Variants in ZRANB1 observed in about 807,000 individuals in gnomAD.
ZRANB1 encodes ubiquitin thioesterase ZRANB1.
ZRANB1 carries 16 observed loss-of-function variants against 80.5 expected under a neutral mutation model. That is an observed-to-expected ratio of 0.20 (90% confidence interval 0.13 to 0.30). ZRANB1 has a LOEUF of 0.30. Ranked by LOEUF, ZRANB1 falls within the 10% of genes least tolerant of loss-of-function variation. The probability of loss-of-function intolerance (pLI) is 1.00; values close to 1 mark genes in which losing one functional copy is unlikely to be tolerated. For missense variants in ZRANB1, 576 were observed against 862.6 expected, an observed-to-expected ratio of 0.67 and a Z score of 4.16; for synonymous variants, 291 against 293.1, an observed-to-expected ratio of 0.99 and a Z score of 0.07.
At chr10:124,924,089 A>G in the ZRANB1 span, among the ~76,000 whole-genome samples, 1 of 149,886 alleles carries the variant, frequency 6.7e-6, no homozygotes, top group Non-Finnish European at 1.5e-5. Context: ...TTTTTTTTTG[A>G]GATGGGGTCT....
chr10:124,945,849 C>CT (rs1280805672), intron 1 of ZRANB1: 2 of 152,184 alleles, frequency 1.3e-5, no homozygotes, highest in African/African-American at 4.8e-5. Flanking sequence ...TGCAGTGCTG[C>CT]AATCATGGCT....
intron 2 of ZRANB1, among the ~76,000 whole-genome samples, chr10:124,970,157 A>G (rs1387316847): frequency 2.0e-5 from 3 of 152,166 alleles, no homozygotes; most frequent in Non-Finnish European, 4.4e-5. Flanking sequence ...GTGTTGACTA[A>G]TGGTTGGGCT....
intron 1 of ZRANB1, among the ~76,000 whole-genome samples, chr10:124,964,564 T>C (rs1334970233): frequency 6.6e-6 from 1 of 152,208 alleles, no homozygotes; most frequent in Admixed American, 6.5e-5. Flanking sequence ...TGAACACATA[T>C]AGTACAAAAC....
chr10:124,956,909 G>T (rs779679394), intron 1 of ZRANB1, among the ~76,000 whole-genome samples: 1 of 152,140 alleles, frequency 6.6e-6, no homozygotes, highest in Non-Finnish European at 1.5e-5. Context: ...TTTCTCGTGT[G>T]TATTCTCTGA....
At chr10:124,936,437 A>G in the ZRANB1 span, among the ~76,000 whole-genome samples, 1 of 152,206 alleles carries the variant, frequency 6.6e-6, no homozygotes, top group Admixed American at 6.5e-5. Flanking sequence ...GTGCAGAGGT[A>G]TTAATAGTGT....
intron 1 of ZRANB1, among the ~76,000 whole-genome samples, chr10:124,944,332 T>C (rs1420586233): frequency 6.6e-6 from 1 of 152,206 alleles, no homozygotes; most frequent in African/African-American, 2.4e-5. Flanking sequence ...TAACTATACC[T>C]TAGCTGTATG....
rs1178484957 is a variant in ZRANB1, at chr10:124,987,563, T to G, written c.*2571T>G. 1 of 152,144 alleles carries G rather than the reference T, an allele frequency of 6.6e-6. No individual in the cohort carries two copies. The highest frequency in any genetic ancestry group is 1.5e-5 in the Non-Finnish European group (1 of 68,022). 9.4% of individuals were successfully genotyped at this position (152,144 alleles called of 1,614,324 possible). ...CACGCATATTTCATTGCCTCTTTGA[T>G]GAGTGGTTACGAAGACGTTAAACTA... is the stretch of plus-strand genomic sequence containing the variant. On this transcript the variant is annotated 3_prime_UTR_variant, in exon 9 of 9. Transcript: ENST00000359653.
intron 1 of ZRANB1, among the ~76,000 whole-genome samples, chr10:124,962,813 A>G (rs1951744582): frequency 6.6e-6 from 1 of 152,174 alleles, no homozygotes; most frequent in South Asian, 2.1e-4. Flanking sequence ...CTAATTGTGC[A>G]TTTCATTCAA....
chr10:124,939,283 C>T (rs1345589290), upstream of ZRANB1, among the ~76,000 whole-genome samples: 1 of 151,828 alleles, frequency 6.6e-6, no homozygotes, highest in Non-Finnish European at 1.5e-5. Flanking sequence ...ATCCTCCCAC[C>T]TCATTCTCCC....
Position 124,985,902 on chromosome 10 carries a change from T to TATCA in ZRANB1, c.*911_*914dup, listed in dbSNP as rs1952022633. ...CAGAGGGTCTTCGGATTCTTCCTTC[T>TATCA]ATCACCTCTGCTCTAAGCAAATCTT... On this transcript the variant is annotated 3_prime_UTR_variant, in exon 9 of 9. Coordinates refer to ENST00000359653, the MANE Select transcript of ZRANB1 (RefSeq NM_017580.3). 2.6e-5 allele frequency: 3 copies of TATCA among 115,988 alleles called. No homozygotes were observed. Among genetic ancestry groups the TATCA allele is most frequent in the African/African-American group, 7.8e-5 (3 of 38,344 alleles). 7.2% of individuals were successfully genotyped at this position (115,988 alleles called of 1,614,324 possible).
chr10:124,974,375 C>G lies in ZRANB1; in HGVS notation c.1404C>G (p.Asp468Glu), dbSNP rs2133987258. 6.2e-7 allele frequency: 1 copy of G among 1,614,272 alleles called. No homozygotes were observed. The highest frequency in any genetic ancestry group is 2.2e-5 in the East Asian group (1 of 44,892). Reference protein sequence around the residue: ...KDSVLRKALHDSLHDCSHWFY... With the variant: ...KDSVLRKALHESLHDCSHWFY... The stretch of plus-strand genomic sequence containing the variant: ...CAGTGCTTCGGAAAGCCCTGCATGA[C>G]AGCCTGCATGACTGTTCACATTGGT... Residue 468 changes from aspartate to glutamate, a missense_variant, in exon 5 of 9, where the codon GAC (aspartate) becomes GAG (glutamate). Physicochemically the swap from Asp to Glu is conservative, Grantham distance 45. Coordinates refer to ENST00000359653, the MANE Select transcript of ZRANB1 (RefSeq NM_017580.3).
the ZRANB1 span, among the ~76,000 whole-genome samples, chr10:124,936,076 T>C: frequency 6.6e-6 from 1 of 152,112 alleles, no homozygotes; most frequent in African/African-American, 2.4e-5. Flanking sequence ...AGGGTGTCTA[T>C]TGTGCTTCTG....
chr10:124,942,360 A>G lies in ZRANB1; in HGVS notation c.-134A>G, dbSNP rs1951543460. On this transcript the variant is annotated 5_prime_UTR_variant, in exon 1 of 9. Transcript: ENST00000359653. ...AAATGTTGCATGCATCTTTTGAGAA[A>G]TTTATATTTTGTAGGTTGAAGGACT... 6 of 1,450,234 alleles carry G rather than the reference A, an allele frequency of 4.1e-6. No individual in the cohort carries two copies. In the South Asian group the frequency reaches 6.0e-5, roughly 15 times the overall value. The allele number at this position is 1,450,234 out of a possible 1,614,324, so 89.8% of individuals were successfully genotyped here.
At chr10:124,946,541 A>G (rs1951585768) in intron 1 of ZRANB1, 1 of 152,192 alleles carries the variant, frequency 6.6e-6, no homozygotes. Flanking sequence ...TCTACCTGCA[A>G]AGTTTCTAGA....
intron 1 of ZRANB1, among the ~76,000 whole-genome samples, chr10:124,952,968 A>G (rs1383756076): frequency 6.6e-6 from 1 of 151,798 alleles, no homozygotes; most frequent in Non-Finnish European, 1.5e-5. Context: ...TCTGTCACCC[A>G]GCCTGGAGTG....
At position 124,942,856 on chromosome 10, in the gene ZRANB1, G is replaced by C. The variant is rs1564954667; in HGVS notation, c.363G>C (p.Gln121His). 1 of 1,614,182 alleles carries C rather than the reference G, an allele frequency of 6.2e-7. No homozygotes were observed. The highest frequency in any genetic ancestry group is 1.3e-5 in the African/African-American group (1 of 75,042). Residue 121 changes from glutamine to histidine, a missense_variant, in exon 1 of 9, where the codon CAG becomes CAC. Transcript: ENST00000359653. Reference sequence around the variant, plus strand: ...CCAGGAGTCCTACAGAATCTCCTCAGTCCTCAGGATCTGGCTCAAGACCAG... The same window carrying C: ...CCAGGAGTCCTACAGAATCTCCTCACTCCTCAGGATCTGGCTCAAGACCAG... ...RRTRSPTESP[Q>H]SSGSGSRPVA...
chr10:124,934,098 C>T, the ZRANB1 span, among the ~76,000 whole-genome samples: 1 of 152,108 alleles, frequency 6.6e-6, no homozygotes, highest in African/African-American at 2.4e-5. Context: ...TAAAATGTAA[C>T]ATTTAAATTC....
chr10:124,927,764 C>CG, the ZRANB1 span, among the ~76,000 whole-genome samples: 1 of 152,152 alleles, frequency 6.6e-6, no homozygotes, highest in Admixed American at 6.5e-5. Context: ...AGGCCTGGCG[C>CG]GGTGGGTCAT....
At chr10:124,952,486 G>A (rs1951648134) in intron 1 of ZRANB1, among the ~76,000 whole-genome samples, 1 of 152,220 alleles carries the variant, frequency 6.6e-6, no homozygotes, top group African/African-American at 2.4e-5. Context: ...TGAGAGCCTT[G>A]CTGAACTTCT....
Sources: gnomAD v4.1 joint callset for allele counts (sites outside exome capture counted in the v4.1 genomes callset) on GRCh38, gnomAD v4.1.1 for gene constraint, MANE v1.5 for transcripts, NCBI Gene and HGNC (gene_info 2026-07-23, HGNC 2026-07-21) for gene names.